NFATC2: variants seen among roughly 807,000 people sequenced by gnomAD.
The protein encoded by NFATC2 is nuclear factor of activated T cells 2.
A neutral mutation model predicts 87.3 loss-of-function variants in NFATC2; 22 were observed. That is an observed-to-expected ratio of 0.25 (90% CI 0.18 to 0.36). The LOEUF (loss-of-function observed/expected upper bound fraction) is 0.36, where lower values mean the gene tolerates loss of function less well. NFATC2 is among the 10% of genes least tolerant of loss of function. The pLI is 1.00. For synonymous variants in NFATC2, 565 were observed against 542.2 expected (o/e 1.04, Z -0.58); for missense variants, 1,149 against 1,259.1 (o/e 0.91, Z 1.32).
chr20:51,497,273 G>C (rs1329319053), intron 3 of NFATC2, among the ~76,000 whole-genome samples: 1 of 152,180 alleles, frequency 6.6e-6, no homozygotes, highest in East Asian at 1.9e-4. Flanking sequence ...AAGTCAAGGT[G>C]CACTTGGGCC....
At chr20:51,456,063 G>A (rs1441912814) in intron 5 of NFATC2, among the ~76,000 whole-genome samples, 1 of 132,416 alleles carries the variant, frequency 7.6e-6, no homozygotes, top group African/African-American at 2.9e-5. Context: ...TGGATGGGTG[G>A]GTGGGTGGAT....
At chr20:51,513,075 A>G (rs975265745) in intron 3 of NFATC2, among the ~76,000 whole-genome samples, 2 of 152,104 alleles carry the variant, frequency 1.3e-5, no homozygotes, top group Admixed American at 6.5e-5. Context: ...AGCATGACTT[A>G]TTTTGAAAAA....
Position 51,523,690 on chromosome 20 carries a change from G to A in NFATC2, c.551C>T (p.Ser184Phe). The A allele has an allele frequency of 6.2e-7, 1 of 1,613,240 alleles. No homozygotes were observed. The highest frequency in any genetic ancestry group is 8.5e-7 in the Non-Finnish European group (1 of 1,179,512). Residue 184 changes from serine (S) to phenylalanine (F), a missense_variant, in exon 2 of 11, where the codon TCC (serine) becomes TTC (phenylalanine). By Grantham distance (155) the Ser-to-Phe change is radical (BLOSUM62 -2). Transcript: ENST00000371564. This position sits in a 1 kb window ranked among gnomAD's most constrained non-coding sequence, Gnocchi z 6.9. ...SSASFISDTF[S>F]PYTSPCVSPN... ...CGAGACGCAGGGCGAGGTGTAGGGG[G>A]AGAAGGTGTCAGAAATGAAGCTGGC...
rs779030248 is a variant in NFATC2, at chr20:51,561,413, A to G, written c.70+1147T>C. On this transcript the variant is annotated intron_variant, in intron 1 of 10. Coordinates refer to the NFATC2 transcript ENST00000414705. ...AGAAAGAGAGAGAAAGAAAAGAAAG[A>G]AAGAAAGAGAGAGAAAGAAAAGAAA... Among the ~76,000 whole-genome samples the G allele has an allele frequency of 7.4e-3, 1,069 of 145,076 alleles. 30 individuals are homozygous for G. The highest frequency in any genetic ancestry group is 0.027 in the African/African-American group (1,000 of 36,582).
chr20:51,513,060 T>G (rs541677600), intron 3 of NFATC2, among the ~76,000 whole-genome samples: 1 of 152,326 alleles, frequency 6.6e-6, no homozygotes, highest in South Asian at 2.1e-4. Context: ...TAAAAATCAG[T>G]AATTAGCATG....
intron 5 of NFATC2, among the ~76,000 whole-genome samples, chr20:51,456,286 A>T (rs748845802): frequency 1.3e-5 from 2 of 152,194 alleles, no homozygotes; most frequent in Non-Finnish European, 2.9e-5. Context: ...ACTAAACCAG[A>T]ATGCTATAGT....
chr20:51,465,289 A>G (rs1406305204), intron 5 of NFATC2, among the ~76,000 whole-genome samples: 1 of 152,142 alleles, frequency 6.6e-6, no homozygotes, highest in Admixed American at 6.5e-5. Flanking sequence ...TTGAGGAACG[A>G]GAATCACTTG....
chr20:51,400,878 A>C (rs1361152211), intron 9 of NFATC2, among the ~76,000 whole-genome samples: 1 of 152,186 alleles, frequency 6.6e-6, no homozygotes, highest in Non-Finnish European at 1.5e-5. Context: ...ATGTGGCCCC[A>C]GCTCTATGGG....
chr20:51,546,335 A>C (rs1160558958), upstream of NFATC2, among the ~76,000 whole-genome samples: 1 of 152,160 alleles, frequency 6.6e-6, no homozygotes, highest in African/African-American at 2.4e-5. Flanking sequence ...TTCTTCCCTA[A>C]AGGTTACCTT....
intron 5 of NFATC2, among the ~76,000 whole-genome samples, chr20:51,466,946 C>T (rs1318428661): frequency 2.0e-5 from 3 of 151,698 alleles, no homozygotes; most frequent in Admixed American, 6.6e-5. Flanking sequence ...GTGGCAGTCG[C>T]CTGTAATCCC....
rs765179628 is a variant in NFATC2 at position 51,542,546 on chromosome 20, C to CAA, written c.-48_-47insTT. The CAA allele has an allele frequency of 3.0e-6, 4 of 1,342,316 alleles. No individual in the cohort carries two copies. The highest frequency in any genetic ancestry group is 6.4e-5 in the East Asian group (2 of 31,474). 83.2% of individuals were successfully genotyped at this position (1,342,316 alleles called of 1,614,324 possible). Reference sequence around the variant, plus strand: ...GCGGGGCCGGGGGCGAGGGCGGGCGCGGCTGGCTCTGGGACCCCTCGCAGT... The same window carrying CAA: ...GCGGGGCCGGGGGCGAGGGCGGGCGCAAGGCTGGCTCTGGGACCCCTCGCAGT... On this transcript the variant is annotated 5_prime_UTR_variant, in exon 1 of 11. Transcript: ENST00000371564.
At chr20:51,406,788 G>A (rs1978379430) in intron 9 of NFATC2, among the ~76,000 whole-genome samples, 1 of 152,192 alleles carries the variant, frequency 6.6e-6, no homozygotes. Flanking sequence ...TAGCTCCATA[G>A]CGGCGCCTGT....
intron 5 of NFATC2, among the ~76,000 whole-genome samples, chr20:51,468,666 A>C (rs1359863975): frequency 1.3e-5 from 2 of 152,202 alleles, no homozygotes; most frequent in African/African-American, 4.8e-5. Context: ...CCCACTGGGC[A>C]GTGTGGAAAT....
intron 3 of NFATC2, among the ~76,000 whole-genome samples, chr20:51,488,193 A>G (rs2075816698): frequency 6.6e-6 from 1 of 152,194 alleles, no homozygotes; most frequent in Admixed American, 6.5e-5. Flanking sequence ...CTCAGGAAAG[A>G]AGATTAAGCT....
intron 1 of NFATC2, among the ~76,000 whole-genome samples, chr20:51,552,468 A>G (rs1465815533): frequency 2.0e-5 from 3 of 152,178 alleles, no homozygotes; most frequent in African/African-American, 7.2e-5. Flanking sequence ...TTCAAACCTG[A>G]CTTGCACTCC....
At position 51,387,062 on chromosome 20, in the gene NFATC2, A is replaced by C. The variant is rs1262085234; in HGVS notation, c.*4434T>G. The C allele has an allele frequency of 6.6e-6, 1 of 152,244 alleles. No individual in the cohort carries two copies. Among genetic ancestry groups the C allele is most frequent in the Non-Finnish European group, 1.5e-5 (1 of 68,036 alleles). 9.4% of individuals were successfully genotyped at this position (152,244 alleles called of 1,614,324 possible). ...AACTACATTAAACTGGAGATTAAAA[A>C]CATTTGCATAGGAATGTGATGTATT... On this transcript the variant is annotated 3_prime_UTR_variant, in exon 11 of 11. Coordinates refer to ENST00000371564, the MANE Select transcript of NFATC2 (RefSeq NM_012340.5).
At chr20:51,502,100 A>G (rs2076098197) in intron 3 of NFATC2, among the ~76,000 whole-genome samples, 1 of 152,224 alleles carries the variant, frequency 6.6e-6, no homozygotes, top group African/African-American at 2.4e-5. Flanking sequence ...GAGATTCTGC[A>G]TTCTTCATGA....
chr20:51,528,182 G>A (rs1015888746), intron 1 of NFATC2, among the ~76,000 whole-genome samples: 1 of 151,810 alleles, frequency 6.6e-6, no homozygotes, highest in Non-Finnish European at 1.5e-5. Context: ...AACCCTGACT[G>A]TAATCCCAAA....
chr20:51,485,434 C>T (rs57098865), intron 3 of NFATC2, among the ~76,000 whole-genome samples: 1 of 152,204 alleles, frequency 6.6e-6, no homozygotes, highest in African/African-American at 2.4e-5. Flanking sequence ...CCAACATTCC[C>T]GTCCCCACCA....
Sources: gnomAD v4.1 joint callset for allele counts (sites outside exome capture counted in the v4.1 genomes callset) on GRCh38, gnomAD v4.1.1 for gene constraint, Gnocchi (gnomAD v3.1) non-coding constraint, MANE v1.5 for transcripts, NCBI Gene and HGNC (gene_info 2026-07-23, HGNC 2026-07-21) for gene names.